Variants in PKNOX2 observed in about 807,000 individuals in gnomAD.
PKNOX2 encodes PBX/knotted 1 homeobox 2, also known as homeobox protein PKNOX2.
A neutral mutation model predicts 53.1 loss-of-function variants in PKNOX2; 14 were observed. The ratio of observed to expected loss-of-function variants is 0.26; its 90% CI spans 0.17 to 0.41. PKNOX2 has a LOEUF of 0.41. PKNOX2 is among the 10% of genes least tolerant of loss of function. The pLI is 1.00. For synonymous variants in PKNOX2, 257 were observed against 242.8 expected, an observed-to-expected ratio of 1.06 and a Z score of -0.54; for missense variants, 496 against 602.8, an observed-to-expected ratio of 0.82 and a Z score of 1.85.
intron 2 of PKNOX2, among the ~76,000 whole-genome samples, chr11:125,297,774 C>T (rs1419712731): frequency 6.6e-6 from 1 of 152,204 alleles, no homozygotes; most frequent in Non-Finnish European, 1.5e-5. Context: ...AACACAGTCT[C>T]TCTCCCCGCA....
intron 1 of PKNOX2, among the ~76,000 whole-genome samples, chr11:125,178,684 G>GAAAGAAAAAGAAAGAAAGAA (rs1565462539): frequency 1.0e-5 from 1 of 99,572 alleles, no homozygotes; most frequent in Admixed American, 9.7e-5. Context: ...GAAAGAGAGA[G>GAAAGAAAAAGAAAGAAAGAA]AGAGAGAGAG....
At chr11:125,368,652 G>A (rs1471325736) in intron 5 of PKNOX2, among the ~76,000 whole-genome samples, 2 of 152,232 alleles carry the variant, frequency 1.3e-5, no homozygotes, top group African/African-American at 2.4e-5. Flanking sequence ...CTGAGGGCAG[G>A]CAGCTTGTTT....
rs115518611 is a variant in PKNOX2, at chr11:125,329,385, T to C, written c.-129-2434T>C. Among the ~76,000 whole-genome samples the C allele has an allele frequency of 4.7e-3, 712 of 152,376 alleles. 4 individuals are homozygous for C. Among genetic ancestry groups the C allele is most frequent in the African/African-American group, 0.016 (674 of 41,588 alleles). On this transcript the variant is annotated intron_variant, in intron 2 of 12. Transcript: ENST00000298282. ...TTTTACAAGAAGCATTTGCTATTTT[T>C]TAAAGGTAACAAAATCATCATATTA...
At chr11:125,259,927 A>T (rs1944707825) in intron 2 of PKNOX2, among the ~76,000 whole-genome samples, 1 of 150,046 alleles carries the variant, frequency 6.7e-6, no homozygotes, top group African/African-American at 2.5e-5. Flanking sequence ...CCCAATCTGG[A>T]GTGCAGTGGC....
chr11:125,411,000 C>T (rs2135545997), intron 9 of PKNOX2, 124 bp downstream of exon 9: 2 of 775,118 alleles, frequency 2.6e-6, no homozygotes, highest in East Asian at 2.7e-5. Flanking sequence ...TAAGAGGTAT[C>T]ATTACCCCTA....
At chr11:125,303,228 A>G (rs1948195745) in intron 2 of PKNOX2, among the ~76,000 whole-genome samples, 1 of 152,224 alleles carries the variant, frequency 6.6e-6, no homozygotes, top group African/African-American at 2.4e-5. Context: ...TTCAATTTTC[A>G]TAGCCTTTTC....
Position 125,341,727 on chromosome 11 carries a change from A to G in PKNOX2, c.-22-9557A>G, listed in dbSNP as rs1276084458. On this transcript the variant is annotated intron_variant, in intron 3 of 12. Transcript: ENST00000298282. Reference sequence around the variant, plus strand: ...AGGGAACGGCATGGCTGTGAAATACAGAACACCTTGGTAGCGGACAAGAAA... The same window carrying G: ...AGGGAACGGCATGGCTGTGAAATACGGAACACCTTGGTAGCGGACAAGAAA... Among the ~76,000 whole-genome samples the G allele has an allele frequency of 3.3e-5, 5 of 152,274 alleles. No homozygotes were observed. In the East Asian group the frequency reaches 9.6e-4, roughly 29 times the overall value.
In PKNOX2 at chr11:125,166,519, C is replaced by A. The variant is rs1018303160; in HGVS notation, c.-201+1743C>A. On this transcript the variant is annotated intron_variant, in intron 1 of 12. Coordinates refer to ENST00000298282, the MANE Select transcript of PKNOX2 (RefSeq NM_001382323.2). This position sits in a 1 kb window ranked among gnomAD's most constrained non-coding sequence, Gnocchi z 4.0. ...CTGGGAGTGGATCTGAGGTCCCGACCCAGGCGGCTCGGAGTGCTCCAGGAG... is the reference window on the plus strand; with the variant it reads ...CTGGGAGTGGATCTGAGGTCCCGACACAGGCGGCTCGGAGTGCTCCAGGAG... 6.6e-6 allele frequency among the ~76,000 whole-genome samples: 1 copy of A among 152,174 alleles called. No homozygotes were observed. The highest frequency in any genetic ancestry group is 1.5e-5 in the Non-Finnish European group (1 of 68,020).
intron 4 of PKNOX2, among the ~76,000 whole-genome samples, chr11:125,363,276 G>A (rs1390154932): frequency 1.3e-5 from 2 of 152,222 alleles, no homozygotes; most frequent in South Asian, 2.1e-4. Context: ...TCTCATAGGG[G>A]CCTCCCCAGG....
chr11:125,396,888 G>A (rs2135451482), intron 6 of PKNOX2, among the ~76,000 whole-genome samples: 1 of 152,186 alleles, frequency 6.6e-6, no homozygotes, highest in African/African-American at 2.4e-5. Context: ...CTGGCACTTA[G>A]AAAAATAGAT....
chr11:125,386,628 T>C (rs1482741474), intron 6 of PKNOX2, among the ~76,000 whole-genome samples: 2 of 152,036 alleles, frequency 1.3e-5, no homozygotes, highest in Non-Finnish European at 2.9e-5. Flanking sequence ...TGCTATCCTC[T>C]TGCATTTAGA....
At chr11:125,272,979 T>G (rs1945908761) in intron 2 of PKNOX2, among the ~76,000 whole-genome samples, 1 of 152,222 alleles carries the variant, frequency 6.6e-6, no homozygotes. Context: ...CTACTGTCAC[T>G]GCCCATCACT....
At chr11:125,383,355 A>T (rs1953383966) in intron 5 of PKNOX2, among the ~76,000 whole-genome samples, 1 of 151,620 alleles carries the variant, frequency 6.6e-6, no homozygotes, top group Non-Finnish European at 1.5e-5. Flanking sequence ...CACACCTGTA[A>T]TCCCAGCACT....
At chr11:125,212,071 G>T (rs184650637) in intron 1 of PKNOX2, among the ~76,000 whole-genome samples, 1 of 152,010 alleles carries the variant, frequency 6.6e-6, no homozygotes, top group African/African-American at 2.4e-5. Flanking sequence ...TCCAGCCCTC[G>T]CAATCCTTTT....
intron 1 of PKNOX2, among the ~76,000 whole-genome samples, chr11:125,184,557 G>A (rs1489366623): frequency 6.6e-6 from 1 of 152,212 alleles, no homozygotes; most frequent in African/African-American, 2.4e-5. Flanking sequence ...CCTACTGTGT[G>A]GTGGGGCATT....
intron 2 of PKNOX2, among the ~76,000 whole-genome samples, chr11:125,241,912 T>C (rs1251941520): frequency 1.3e-5 from 2 of 151,972 alleles, no homozygotes; most frequent in African/African-American, 4.8e-5. Flanking sequence ...GGATGAAGGA[T>C]GAATGTATGA....
intron 2 of PKNOX2, among the ~76,000 whole-genome samples, chr11:125,278,893 G>A (rs1232485169): frequency 6.6e-6 from 1 of 152,214 alleles, no homozygotes; most frequent in Non-Finnish European, 1.5e-5. Context: ...TCAGAACAGA[G>A]GCAGGCATAG....
At chr11:125,291,653 A>G (rs1179332407) in intron 2 of PKNOX2, among the ~76,000 whole-genome samples, 3 of 152,222 alleles carry the variant, frequency 2.0e-5, no homozygotes, top group Non-Finnish European at 2.9e-5. Flanking sequence ...CAAAAGGCAA[A>G]AGCACCTCAA....
At position 125,429,994 on chromosome 11, in the gene PKNOX2, C is replaced by A; in HGVS notation, c.1045C>A (p.Pro349Thr). 6.2e-7 allele frequency: 1 copy of A among 1,614,152 alleles called. No individual in the cohort carries two copies. Among genetic ancestry groups the A allele is most frequent in the Non-Finnish European group, 8.5e-7 (1 of 1,180,014 alleles). The change falls in exon 12 of 13, where the codon CCC becomes ACC. Residue 349 changes from proline to threonine, a missense_variant. This residue lies in a region of PKNOX2 where 139 missense variants were observed against 161.3 expected (regional missense o/e 0.86). Coordinates refer to ENST00000298282, the MANE Select transcript of PKNOX2 (RefSeq NM_001382323.2). ...FINARRRILQ[P>T]MLDASNPDPA... ...CAATGCCCGGAGGCGCATCCTGCAGCCCATGCTTGATGCCAGCAACCCAGA... is the reference window on the plus strand; with the variant it reads ...CAATGCCCGGAGGCGCATCCTGCAGACCATGCTTGATGCCAGCAACCCAGA...
Sources: gnomAD v4.1 joint callset for allele counts (sites outside exome capture counted in the v4.1 genomes callset) on GRCh38, gnomAD v4.1.1 for gene constraint, gnomAD v4.1.1 regional missense constraint, Gnocchi (gnomAD v3.1) non-coding constraint, MANE v1.5 for transcripts, NCBI Gene and HGNC (gene_info 2026-07-23, HGNC 2026-07-21) for gene names.